Variants in CNNM2 observed in about 807,000 individuals in gnomAD.
CNNM2 encodes the protein metal transporter CNNM2.
In CNNM2, 12 loss-of-function variants were observed where a neutral mutation model predicts 66.9. The observed-to-expected ratio is 0.18, with a 90% CI of 0.11 to 0.29. The LOEUF is 0.29. Among genes scored for constraint, CNNM2 ranks in the 10% least tolerant of loss-of-function variants. The pLI is 1.00. For synonymous variants in CNNM2, 557 were observed against 501.8 expected (o/e 1.11, Z -1.47); for missense variants, 705 against 1,167.7 (o/e 0.60, Z 5.77).
chr10:102,998,493 A>G (rs1185583712), intron 1 of CNNM2, among the ~76,000 whole-genome samples: 2 of 152,242 alleles, frequency 1.3e-5, no homozygotes, highest in African/African-American at 2.4e-5. Context: ...AAACAAATCT[A>G]AGGAACTAGA....
At chr10:102,965,125 C>A (rs912848787) in intron 1 of CNNM2, among the ~76,000 whole-genome samples, 9 of 152,194 alleles carry the variant, frequency 5.9e-5, no homozygotes, top group African/African-American at 1.9e-4. Context: ...AAATAAATTT[C>A]TCTTCTTTAC....
intron 2 of CNNM2, among the ~76,000 whole-genome samples, chr10:103,053,541 G>A (rs1013772177): frequency 1.3e-5 from 2 of 152,094 alleles, no homozygotes; most frequent in African/African-American, 4.8e-5. Context: ...ACCAAAAGAA[G>A]AACAATTACT....
At chr10:102,928,080 T>A (rs1031319940) in intron 1 of CNNM2, among the ~76,000 whole-genome samples, 1 of 152,204 alleles carries the variant, frequency 6.6e-6, no homozygotes, top group East Asian at 1.9e-4. Context: ...TAACCCTAAG[T>A]TTTTTTCAAA....
At chr10:102,993,588 T>C (rs2063934531) in intron 1 of CNNM2, among the ~76,000 whole-genome samples, 1 of 152,198 alleles carries the variant, frequency 6.6e-6, no homozygotes, top group African/African-American at 2.4e-5. Context: ...TGTTTGTGAT[T>C]GTGGCTTGTG....
intron 1 of CNNM2, among the ~76,000 whole-genome samples, chr10:102,990,877 AC>A (rs939029401): frequency 6.6e-6 from 1 of 151,826 alleles, no homozygotes; most frequent in African/African-American, 2.4e-5. Context: ...GATTTCTTTT[AC>A]CCCCTGTTCC....
intron 1 of CNNM2, among the ~76,000 whole-genome samples, chr10:102,973,660 T>C (rs2063581668): frequency 6.6e-6 from 1 of 152,128 alleles, no homozygotes; most frequent in Admixed American, 6.6e-5. Context: ...CCTGGCCTTA[T>C]GCAGTGACTT....
chr10:103,076,037 G>C (rs777509461), intron 6 of CNNM2, 49 bp from the exon 7 acceptor site: 7 of 1,488,436 alleles, frequency 4.7e-6, no homozygotes, highest in Non-Finnish European at 6.4e-6. Flanking sequence ...TGGTTTTATT[G>C]GCTGTATCTA....
chr10:103,052,883 T>C (rs2065239514), intron 2 of CNNM2, among the ~76,000 whole-genome samples: 1 of 152,198 alleles, frequency 6.6e-6, no homozygotes, highest in Non-Finnish European at 1.5e-5. Flanking sequence ...TATTTTTAAA[T>C]TCTGTATTGA....
In CNNM2 at chr10:102,925,019, G is replaced by T. The variant is rs560923984; in HGVS notation, c.1621+4918G>T. Among the ~76,000 whole-genome samples the T allele has an allele frequency of 7.9e-5, 12 of 152,172 alleles. No homozygotes were observed. In the South Asian group the frequency reaches 8.3e-4, roughly 11 times the overall value. The stretch of plus-strand genomic sequence containing the variant: ...CTGATGATAAGATTTACTTGGGGCT[G>T]GGTGCGGTGGCTCACGCCTGTAATC... On this transcript the variant is annotated intron_variant, in intron 1 of 7. Coordinates refer to ENST00000369878, the MANE Select transcript of CNNM2 (RefSeq NM_017649.5).
chr10:102,971,027 CAA>C (rs201268107), intron 1 of CNNM2, among the ~76,000 whole-genome samples: 10 of 122,524 alleles, frequency 8.2e-5, no homozygotes, highest in Admixed American at 3.3e-4. Flanking sequence ...CCTGTCTCTA[CAA>C]AAAAAAAAAA....
chr10:103,056,403 C>T (rs925421817), intron 3 of CNNM2, among the ~76,000 whole-genome samples: 8 of 152,152 alleles, frequency 5.3e-5, no homozygotes, highest in African/African-American at 1.4e-4. Flanking sequence ...TGGCACTAAC[C>T]GCACCTGATG....
At chr10:103,067,550 A>G (rs780455847) in intron 4 of CNNM2, among the ~76,000 whole-genome samples, 25 of 152,188 alleles carry the variant, frequency 1.6e-4, no homozygotes, top group Non-Finnish European at 4.4e-5. Context: ...TTGTTCACCC[A>G]TTGTAAAGGA....
chr10:102,930,921 G>A (rs950287036), intron 1 of CNNM2, among the ~76,000 whole-genome samples: 1 of 152,146 alleles, frequency 6.6e-6, no homozygotes, highest in South Asian at 2.1e-4. Context: ...TATACCACAT[G>A]TTGTTTATCC....
intron 1 of CNNM2, among the ~76,000 whole-genome samples, chr10:103,000,257 A>G (rs1040052920): frequency 7.3e-5 from 11 of 149,736 alleles, no homozygotes; most frequent in Non-Finnish European, 1.6e-4. Flanking sequence ...AAATAAATAA[A>G]TAAATAAATA....
intron 1 of CNNM2, among the ~76,000 whole-genome samples, chr10:103,028,065 C>T (rs895598717): frequency 3.3e-5 from 5 of 152,094 alleles, no homozygotes; most frequent in East Asian, 1.9e-4. Flanking sequence ...AAATCTGTGC[C>T]TTTTTTGATG....
At chr10:103,021,569 G>A (rs1016629399) in intron 1 of CNNM2, among the ~76,000 whole-genome samples, 2 of 152,070 alleles carry the variant, frequency 1.3e-5, no homozygotes, top group Non-Finnish European at 2.9e-5. Flanking sequence ...TGGCGCTTTC[G>A]CTCGATTTTG....
At chr10:103,062,804 C>A (rs2065410716) in intron 4 of CNNM2, among the ~76,000 whole-genome samples, 1 of 152,236 alleles carries the variant, frequency 6.6e-6, no homozygotes, top group South Asian at 2.1e-4. Flanking sequence ...TTGGCCTCCA[C>A]TGGGTGTGAC....
At chr10:102,998,965 C>T (rs1241772667) in intron 1 of CNNM2, among the ~76,000 whole-genome samples, 5 of 152,266 alleles carry the variant, frequency 3.3e-5, no homozygotes, top group East Asian at 3.9e-4. Flanking sequence ...AGTGCAGTGG[C>T]GCAATCCGGG....
chr10:102,977,342 C>T, intron 1 of CNNM2, among the ~76,000 whole-genome samples: 1 of 152,060 alleles, frequency 6.6e-6, no homozygotes. Context: ...CTCCAGTGAA[C>T]ATTTCTTCTG....
Sources: allele counts gnomAD v4.1 joint callset (sites outside exome capture counted in the v4.1 genomes callset), GRCh38; gene constraint gnomAD v4.1.1; transcripts MANE v1.5; gene names NCBI Gene and HGNC (gene_info 2026-07-23, HGNC 2026-07-21).